The following MROH2B variants were observed in gnomAD, a reference collection of about 807,000 sequenced individuals.
MROH2B encodes maestro heat-like repeat-containing protein family member 2B.
MROH2B carries 177 observed loss-of-function variants against 208.6 expected under a neutral mutation model. The ratio of observed to expected loss-of-function variants is 0.85; its 90% confidence interval spans 0.75 to 0.96. The LOEUF is 0.96. Among genes scored for constraint, MROH2B ranks in the 40% least tolerant of loss-of-function variants. The probability of loss-of-function intolerance (pLI) is 0.00; values close to 1 mark genes in which losing one functional copy is unlikely to be tolerated. For synonymous variants in MROH2B, 728 were observed against 659.0 expected (o/e 1.10, Z -1.60); for missense variants, 2,002 against 1,878.7 (o/e 1.07, Z -1.21).
rs1045307817 is a variant in MROH2B, at chr5:41,000,052, C to A, written c.4482+168G>T. On this transcript the variant is annotated intron_variant, in intron 39 of 41. Transcript: ENST00000399564. ...GGGAATGGAGCAGAGGGTCCTGTGG[C>A]AGGATACCTCTATGTCACTATATCC... 4.5e-6 allele frequency: 4 copies of A among 881,646 alleles called. No individual in the cohort carries two copies. In the African/African-American group the frequency reaches 6.8e-5, roughly 15 times the overall value. The allele number at this position is 881,646 out of a possible 1,614,324, so 54.6% of individuals were successfully genotyped here.
Position 41,052,575 on chromosome 5 carries a change from C to T in MROH2B, c.1120G>A (p.Val374Ile). ...GDLSTKVRNS[V>I]LLLIQTMCEK... ...CACATGGTTTGGATGAGGAGAAGAA[C>T]AGAATTTCTTACCTAGGGTAAGAAC... is the stretch of plus-strand genomic sequence containing the variant. The change falls in exon 12 of 42, where the codon GTT becomes ATT. Residue 374 changes from valine (V) to isoleucine (I), a missense_variant. Transcript: ENST00000399564. 2 of 1,608,370 alleles carry T rather than the reference C, an allele frequency of 1.2e-6. No homozygotes were observed.
At chr5:41,020,103 C>A (rs1242138573) in intron 24 of MROH2B, among the ~76,000 whole-genome samples, 1 of 151,758 alleles carries the variant, frequency 6.6e-6, no homozygotes, top group Non-Finnish European at 1.5e-5. Context: ...TGTGGCTGAT[C>A]TGGATTAAGA....
At chr5:41,048,268 A>G in intron 16 of MROH2B, 56 bp downstream of exon 16, 2 of 1,529,548 alleles carry the variant, frequency 1.3e-6, no homozygotes, top group Non-Finnish European at 1.7e-6. Context: ...GAAACGGTGC[A>G]TTATTTCTTT....
chr5:41,038,220 G>A (rs929166668), intron 21 of MROH2B, among the ~76,000 whole-genome samples: 1 of 152,110 alleles, frequency 6.6e-6, no homozygotes. Context: ...AAAAGTTAAA[G>A]AACTACCATG....
chr5:41,049,755 A>G (rs1362202017), intron 13 of MROH2B, among the ~76,000 whole-genome samples: 1 of 152,180 alleles, frequency 6.6e-6, no homozygotes, highest in African/African-American at 2.4e-5. Flanking sequence ...ACCAAGTGCC[A>G]GTATTCCTCT....
chr5:41,035,542 A>G (rs1742728434), intron 21 of MROH2B, among the ~76,000 whole-genome samples: 1 of 152,126 alleles, frequency 6.6e-6, no homozygotes, highest in Non-Finnish European at 1.5e-5. Context: ...AACCTACAGA[A>G]TGGAAAAAAT....
Position 41,069,696 on chromosome 5 carries a change from T to A in MROH2B, c.85A>T (p.Asn29Tyr). The change falls in exon 2 of 42, where the codon AAC becomes TAC. Residue 29 changes from asparagine to tyrosine, a missense_variant. Physicochemically the swap from Asn to Tyr is moderately radical, Grantham distance 143 (BLOSUM62 -2). Transcript: ENST00000399564. ...LGMLNKEDIVNKEDIYSHLTS... is the reference protein window; with the variant it reads ...LGMLNKEDIVYKEDIYSHLTS... ...TTTTTCTCTGTTTTCCCTACCTTGT[T>A]AACAATATCTTCCTTGTTCAGCATG... The A allele has an allele frequency of 6.2e-7, 1 of 1,603,412 alleles. No individual in the cohort carries two copies. Among genetic ancestry groups the A allele is most frequent in the Non-Finnish European group, 8.5e-7 (1 of 1,173,796 alleles).
chr5:41,026,025 TG>T (rs1742346708), intron 24 of MROH2B, among the ~76,000 whole-genome samples: 1 of 152,150 alleles, frequency 6.6e-6, no homozygotes, highest in Admixed American at 6.6e-5. Context: ...TAGGTATTGA[TG>T]GGATGTATCT....
intron 24 of MROH2B, among the ~76,000 whole-genome samples, chr5:41,027,249 A>G (rs837525): frequency 0.77 from 116,545 of 152,054 alleles, 45,008 homozygotes; most frequent in Non-Finnish European, 0.81. Flanking sequence ...GAGTGAACAG[A>G]CAACCTACAA....
At position 41,032,766 on chromosome 5, in the gene MROH2B, G is replaced by A. The variant is rs1168852560; in HGVS notation, c.2417C>T (p.Ala806Val). 5 of 1,612,426 alleles carry A rather than the reference G, an allele frequency of 3.1e-6. No individual in the cohort carries two copies. The highest frequency in any genetic ancestry group is 4.2e-6 in the Non-Finnish European group (5 of 1,179,122). ...CCTGAGATACCTAATGGCGATTAAG[G>A]CTTTCCACCGAATAGGGCTAGCTAA... is the stretch of plus-strand genomic sequence containing the variant. ...DSLASPIRWK[A>V]LIAIRYLSKL... is the part of the protein sequence containing the mutation. The change falls in exon 24 of 42, where the codon GCC becomes GTC. Residue 806 changes from alanine (A) to valine (V), a missense_variant. Physicochemically the swap from Ala to Val is moderately conservative, Grantham distance 64. Coordinates refer to ENST00000399564, the MANE Select transcript of MROH2B (RefSeq NM_173489.5).
At chr5:41,068,596 C>T (rs1743882606) in intron 2 of MROH2B, among the ~76,000 whole-genome samples, 1 of 152,138 alleles carries the variant, frequency 6.6e-6, no homozygotes, top group Non-Finnish European at 1.5e-5. Flanking sequence ...GTTATGCTGG[C>T]TATTATTATT....
intron 37 of MROH2B, among the ~76,000 whole-genome samples, chr5:41,002,921 C>A (rs1244729464): frequency 1.3e-5 from 2 of 151,626 alleles, no homozygotes; most frequent in African/African-American, 2.4e-5. Flanking sequence ...GTTATTTTTA[C>A]CCCAGTAAGC....
chr5:40,998,201 G>T, intron 41 of MROH2B, 43 bp from the exon 42 acceptor site: 1 of 1,538,604 alleles, frequency 6.5e-7, no homozygotes, highest in South Asian at 1.1e-5. Flanking sequence ...AGGAGAGTCA[G>T]AGCCCAGCAA....
chr5:41,002,106 C>T (rs1218772944), intron 37 of MROH2B, among the ~76,000 whole-genome samples: 6 of 151,926 alleles, frequency 3.9e-5, no homozygotes, highest in Non-Finnish European at 1.5e-5. Flanking sequence ...TAAAAGATAC[C>T]TCTTTAGAAA....
intron 24 of MROH2B, among the ~76,000 whole-genome samples, chr5:41,024,095 G>T (rs1742259314): frequency 6.6e-6 from 1 of 152,176 alleles, no homozygotes; most frequent in African/African-American, 2.4e-5. Context: ...AAATTGTAAA[G>T]ACCATCAAGG....
At chr5:41,067,650 G>GA in intron 2 of MROH2B, among the ~76,000 whole-genome samples, 1 of 152,316 alleles carries the variant, frequency 6.6e-6, no homozygotes, top group Non-Finnish European at 1.5e-5. Context: ...TTACAGGCAT[G>GA]AGCCACCGTG....
intron 13 of MROH2B, among the ~76,000 whole-genome samples, chr5:41,049,736 G>C (rs1743231259): frequency 6.6e-6 from 1 of 152,116 alleles, no homozygotes; most frequent in Non-Finnish European, 1.5e-5. Context: ...GCATCCCTGA[G>C]CCCCACTTAC....
chr5:41,061,655 A>G lies in MROH2B; in HGVS notation c.530T>C (p.Leu177Pro), dbSNP rs745912934. ...NHWRDFPYPRLDANRLSDKIF... is the reference protein window; with the variant it reads ...NHWRDFPYPRPDANRLSDKIF... ...CTTGTCAGACAGTCGGTTGGCATCC[A>G]GTCTGGGGTAGGGAAAATCTCTCCA... The change falls in exon 6 of 42, where the codon CTG (leucine) becomes CCG (proline). Residue 177 changes from leucine (L) to proline (P), a missense_variant. By Grantham distance (98) the Leu-to-Pro change is moderately conservative. Transcript: ENST00000399564. 6.2e-7 allele frequency: 1 copy of G among 1,613,962 alleles called. No individual in the cohort carries two copies. Among genetic ancestry groups the G allele is most frequent in the Non-Finnish European group, 8.5e-7 (1 of 1,179,828 alleles).
chr5:41,006,034 AAAAAAAAAAAAAG>A (rs1741578306), intron 34 of MROH2B, among the ~76,000 whole-genome samples: 1 of 148,890 alleles, frequency 6.7e-6, no homozygotes, highest in Admixed American at 6.7e-5. Context: ...TCTGTCTCCA[AAAAAAAAAAAAAG>A]AAAAAAGAAA....
Sources: gnomAD v4.1 joint callset for allele counts (sites outside exome capture counted in the v4.1 genomes callset) on GRCh38, gnomAD v4.1.1 for gene constraint, MANE v1.5 for transcripts, NCBI Gene and HGNC (gene_info 2026-07-23, HGNC 2026-07-21) for gene names.